The following C12orf57 variants were observed in gnomAD, a reference collection of about 807,000 sequenced individuals.
The protein encoded by C12orf57 is chromosome 12 open reading frame 57.
Under a neutral mutation model 11.3 loss-of-function variants are expected in C12orf57, and 14 were observed. That is an observed-to-expected ratio of 1.24 (90% confidence interval 0.82 to 1.94). The LOEUF (loss-of-function observed/expected upper bound fraction) is 1.94, where lower values mean the gene tolerates loss of function less well. Ranked by LOEUF, C12orf57 falls within the 30% of genes most tolerant of loss-of-function variation. The probability of loss-of-function intolerance (pLI) is 0.00; values close to 1 mark genes in which losing one functional copy is unlikely to be tolerated. For missense variants in C12orf57, 229 were observed against 172.4 expected, an observed-to-expected ratio of 1.33 and a Z score of -1.84; for synonymous variants, 100 against 74.6, an observed-to-expected ratio of 1.34 and a Z score of -1.76.
intron 1 of C12orf57, 85 bp from the exon 2 acceptor site, chr12:6,944,391 T>G (rs1342113580): frequency 6.4e-7 from 1 of 1,562,226 alleles, no homozygotes; most frequent in Non-Finnish European, 8.7e-7. Flanking sequence ...CTCAATCCAC[T>G]AATTCCTTGC....
chr12:6,943,861 TTTTACCGGAAAGCCCCTCTTA>T, upstream of C12orf57: 2 of 936,848 alleles, frequency 2.1e-6, no homozygotes, highest in Non-Finnish European at 3.0e-6. Flanking sequence ...CTTTCTGGCT[TTTTACCGGAAAGCCCCTCTTA>T]TGATGTTTGT....
At chr12:6,943,470 C>G (rs1311800317), upstream of C12orf57, 2 of 1,249,040 alleles carry the variant, frequency 1.6e-6, no homozygotes, top group Non-Finnish European at 2.1e-6. Context: ...GGCTCCATCG[C>G]TCATCAATAG....
chr12:6,944,032 C>A lies in C12orf57; in HGVS notation c.-90C>A, dbSNP rs868922430. On this transcript the variant is annotated 5_prime_UTR_variant, in exon 1 of 3. Coordinates refer to ENST00000229281, the MANE Select transcript of C12orf57 (RefSeq NM_138425.4). ...CGCCGGATGCTGTTTCCTTTCCGCTCCCAGGGGCGTTGGGAACGGTTGTAG... is the reference window on the plus strand; with the variant it reads ...CGCCGGATGCTGTTTCCTTTCCGCTACCAGGGGCGTTGGGAACGGTTGTAG... 24 of 1,608,852 alleles carry A rather than the reference C, an allele frequency of 1.5e-5. No homozygotes were observed. Among genetic ancestry groups the A allele is most frequent in the Non-Finnish European group, 2.0e-5 (23 of 1,179,194 alleles).
chr12:6,943,655 TG>T (rs781997015), upstream of C12orf57: 268 of 1,287,948 alleles, frequency 2.1e-4, no homozygotes, highest in Non-Finnish European at 2.5e-4. Flanking sequence ...TAGAAATGAA[TG>T]ACTTAAGTAA....
At chr12:6,943,943 G>A (rs191717299), upstream of C12orf57, 1,295 of 1,433,144 alleles carry the variant, frequency 9.0e-4, 6 homozygotes, top group Middle Eastern at 7.1e-3. Flanking sequence ...TAGTTTTGGT[G>A]GTCTTGATGC....
chr12:6,943,858 G>GTT (rs782704261), upstream of C12orf57: 43 of 940,576 alleles, frequency 4.6e-5, no homozygotes, highest in East Asian at 7.1e-4. Context: ...AGGCTTTCTG[G>GTT]CTTTTTACCG....
rs140277271 is a variant in C12orf57, at chr12:6,945,853, G to A, written c.312G>A (p.Ala104=). 8 of 1,613,688 alleles carry A rather than the reference G, an allele frequency of 5.0e-6. No individual in the cohort carries two copies. The highest frequency in any genetic ancestry group is 1.3e-5 in the African/African-American group (1 of 75,018). ...CCAGCCTGTCAGGCAAGCTGAAGGC[G>A]CTGTTTCTGCCGCCCATGACCCTGC... The part of the protein sequence containing the change: ...EIASLSGKLK[A]LFLPPMTLPP... The change falls in exon 3 of 3, where the codon GCG becomes GCA. Residue 104 remains alanine, a synonymous_variant. Coordinates refer to ENST00000229281, the MANE Select transcript of C12orf57 (RefSeq NM_138425.4).
upstream of C12orf57, chr12:6,943,642 C>T (rs781906319): frequency 3.1e-6 from 4 of 1,288,158 alleles, no homozygotes; most frequent in East Asian, 2.2e-4. Flanking sequence ...TGTTCGCGAA[C>T]TCTAGAAATG....
upstream of C12orf57, chr12:6,943,763 CAT>C: frequency 2.7e-6 from 3 of 1,104,842 alleles, no homozygotes; most frequent in Non-Finnish European, 3.5e-6. Context: ...AGCTCACCCT[CAT>C]CAATTGTGGA....
At position 6,944,161 on chromosome 12, in the gene C12orf57, G is replaced by T; in HGVS notation, c.40G>T (p.Glu14Ter). Residue 14 changes from glutamate (E) to a stop codon, truncating the protein, a stop_gained, in exon 1 of 3, where the codon GAG (glutamate) becomes TAG (stop). Coordinates refer to ENST00000229281, the MANE Select transcript of C12orf57 (RefSeq NM_138425.4). LOFTEE classifies it high-confidence loss of function. Reference protein sequence around the residue: ...ASTQPAALSAEQAKVVLAEVI... With the variant: ...ASTQPAALSA ...GACCCAACCGGCGGCCTTGAGCGCT[G>T]AGCAAGCAAAGGGTGAGAATCGTCC... The T allele has an allele frequency of 6.2e-7, 1 of 1,614,210 alleles. No individual in the cohort carries two copies. Among genetic ancestry groups the T allele is most frequent in the Non-Finnish European group, 8.5e-7 (1 of 1,180,008 alleles).
At chr12:6,943,960 A>C (rs189017859), upstream of C12orf57, 2 of 1,527,648 alleles carry the variant, frequency 1.3e-6, no homozygotes, top group Admixed American at 4.3e-5. Context: ...ATGCAGTTGT[A>C]AGCTTGGGGT....
intron 2 of C12orf57, 74 bp from the exon 3 acceptor site, chr12:6,945,697 A>C: frequency 3.9e-6 from 6 of 1,521,362 alleles, no homozygotes; most frequent in Non-Finnish European, 5.4e-6. Flanking sequence ...TCATGCTTAG[A>C]CTACCACCCC....
At chr12:6,943,734 A>G, upstream of C12orf57, 1 of 1,239,860 alleles carries the variant, frequency 8.1e-7, no homozygotes, top group South Asian at 1.4e-5. Flanking sequence ...AGTAATAGGA[A>G]CAAGAAAAAA....
Position 6,945,873 on chromosome 12 carries a change from C to T in C12orf57, c.332C>T (p.Thr111Ile), listed in dbSNP as rs782679418. Residue 111 changes from threonine to isoleucine, a missense_variant, in exon 3 of 3, where the codon ACC becomes ATC. Thr to Ile is a moderately conservative substitution (Grantham distance 89, BLOSUM62 -1). Transcript: ENST00000229281. ...KLKALFLPPM[T>I]LPPHGPAAGG... is the part of the protein sequence containing the mutation. Reference sequence around the variant, plus strand: ...AAGGCGCTGTTTCTGCCGCCCATGACCCTGCCACCCCATGGGCCTGCTGCT... The same window carrying T: ...AAGGCGCTGTTTCTGCCGCCCATGATCCTGCCACCCCATGGGCCTGCTGCT... 1.2e-6 allele frequency: 2 copies of T among 1,613,644 alleles called. No individual in the cohort carries two copies. The highest frequency in any genetic ancestry group is 1.7e-6 in the Non-Finnish European group (2 of 1,179,904).
rs1349419442 is a variant in C12orf57 at position 6,944,511 on chromosome 12, C to G, written c.88C>G (p.Pro30Ala). The change falls in exon 2 of 3, where the codon CCG becomes GCG. Residue 30 changes from proline to alanine, a missense_variant. By Grantham distance (27) the Pro-to-Ala change is conservative. Coordinates refer to ENST00000229281, the MANE Select transcript of C12orf57 (RefSeq NM_138425.4). ...LAEVIQAFSA[P>A]ENAVRMDEAR... ...GGAGGTGATCCAGGCGTTCTCCGCCCCGGAGAATGCAGTGCGCATGGACGA... is the reference window on the plus strand; with the variant it reads ...GGAGGTGATCCAGGCGTTCTCCGCCGCGGAGAATGCAGTGCGCATGGACGA... The G allele has an allele frequency of 6.2e-7, 1 of 1,613,402 alleles. No homozygotes were observed. Among genetic ancestry groups the G allele is most frequent in the Admixed American group, 1.7e-5 (1 of 59,998 alleles).
At chr12:6,945,678 G>T in intron 2 of C12orf57, 93 bp from the exon 3 acceptor site, 1 of 1,358,642 alleles carries the variant, frequency 7.4e-7, no homozygotes. Context: ...CAGCCAGTGG[G>T]GGAGCAGTTC....
chr12:6,944,270 G>A, intron 1 of C12orf57, 97 bp downstream of exon 1: 1 of 1,605,324 alleles, frequency 6.2e-7, no homozygotes, highest in Non-Finnish European at 8.5e-7. Flanking sequence ...GATGTGGGGC[G>A]ACAAACCTGG....
chr12:6,945,790 C>G lies in C12orf57; in HGVS notation c.249C>G (p.Arg83=), dbSNP rs1565576064. 1.2e-6 allele frequency: 2 copies of G among 1,613,800 alleles called. No homozygotes were observed. The highest frequency in any genetic ancestry group is 1.7e-6 in the Non-Finnish European group (2 of 1,179,874). Reference sequence around the variant, plus strand: ...TTGCAGGTGTCCTTAAGTTTGCTCGCTTGGTCAAGTCCTACGAAGCCCAGG... The same window carrying G: ...TTGCAGGTGTCCTTAAGTTTGCTCGGTTGGTCAAGTCCTACGAAGCCCAGG... The part of the protein sequence containing the change: ...CDGEGVLKFA[R]LVKSYEAQDP... The change falls in exon 3 of 3, where the codon CGC becomes CGG. Residue 83 remains arginine (R), a synonymous_variant. Coordinates refer to ENST00000229281, the MANE Select transcript of C12orf57 (RefSeq NM_138425.4).
upstream of C12orf57, chr12:6,943,865 A>G (rs782760331): frequency 2.1e-4 from 196 of 934,028 alleles, 1 homozygote; most frequent in South Asian, 2.6e-4. Context: ...CTGGCTTTTT[A>G]CCGGAAAGCC....
Sources: allele counts gnomAD v4.1 joint callset, GRCh38; gene constraint gnomAD v4.1.1; transcripts MANE v1.5; gene names NCBI Gene and HGNC (gene_info 2026-07-23, HGNC 2026-07-21).